Variants in ZNF846 observed in about 807,000 individuals in gnomAD.
The protein encoded by ZNF846 is zinc finger protein 846, also known as zinc finger protein 420 pseudogene.
In ZNF846, 15 loss-of-function variants were observed where a neutral mutation model predicts 16.0. The observed-to-expected ratio is 0.94, with a 90% CI of 0.63 to 1.45. ZNF846 has a LOEUF of 1.45. Among genes scored for constraint, ZNF846 ranks in the 40% most tolerant of loss-of-function variants. ZNF846 has a pLI of 0.00. For synonymous variants in ZNF846, 229 were observed against 212.0 expected (o/e 1.08, Z -0.70); for missense variants, 714 against 622.3 (o/e 1.15, Z -1.57).
chr19:9,762,424 G>A, intron 3 of ZNF846: 1 of 335,374 alleles, frequency 3.0e-6, no homozygotes, highest in Non-Finnish European at 5.6e-6. Flanking sequence ...GATCACTTGA[G>A]GTTAGGAGTT....
intron 2 of ZNF846, among the ~76,000 whole-genome samples, chr19:9,763,988 T>C (rs1331295001): frequency 6.6e-6 from 1 of 152,226 alleles, no homozygotes; most frequent in African/African-American, 2.4e-5. Context: ...ACTGCCAGAA[T>C]GAGCCAACAG....
intron 1 of ZNF846, among the ~76,000 whole-genome samples, chr19:9,766,439 A>G (rs2045317514): frequency 6.6e-6 from 1 of 151,262 alleles, no homozygotes. Context: ...AGCCACAGAA[A>G]TATGCCACAA....
At chr19:9,776,504 C>G (rs2045444677) in intron 1 of ZNF846, among the ~76,000 whole-genome samples, 1 of 152,266 alleles carries the variant, frequency 6.6e-6, no homozygotes, top group South Asian at 2.1e-4. Flanking sequence ...GAAGGGCCCC[C>G]TGTCCAGTGG....
intron 2 of ZNF846, among the ~76,000 whole-genome samples, chr19:9,763,922 G>C (rs2045271399): frequency 6.6e-6 from 1 of 152,204 alleles, no homozygotes. Context: ...AAATGCTCCT[G>C]ATTACTGTAA....
chr19:9,756,452 C>A (rs1267192745), downstream of ZNF846: 1 of 147,452 alleles, frequency 6.8e-6, no homozygotes. Flanking sequence ...AATATTAACA[C>A]ATGAGACAGA....
At chr19:9,753,219 A>AATTT (rs57885198), downstream of ZNF846, among the ~76,000 whole-genome samples, 78,510 of 133,914 alleles carry the variant, frequency 0.59, 23,984 homozygotes, top group East Asian at 0.71. Flanking sequence ...GAGGAGACAA[A>AATTT]ATTTATTTAT....
At chr19:9,783,565 A>T (rs967946142) in intron 1 of ZNF846, among the ~76,000 whole-genome samples, 1 of 144,156 alleles carries the variant, frequency 6.9e-6, no homozygotes. Context: ...ATATATATAT[A>T]TTCTTTAAAA....
chr19:9,758,974 G>A lies in ZNF846; in HGVS notation c.313-210C>T, dbSNP rs555237790. Among the ~76,000 whole-genome samples, 214 of 151,774 alleles carry A rather than the reference G, an allele frequency of 1.4e-3. 8 individuals are homozygous for A. Among genetic ancestry groups the A allele is most frequent in the African/African-American group, 5.0e-3 (207 of 41,134 alleles). On this transcript the variant is annotated intron_variant, in intron 5 of 5. Coordinates refer to ENST00000397902, the Ensembl canonical transcript of ZNF846. ...TGCCTATATTCTCTGCATTCACAGA[G>A]CTTCTTAGACAATCTGTCTGATATT...
At chr19:9,757,295 T>C (rs2045146644), downstream of ZNF846, among the ~76,000 whole-genome samples, 1 of 151,820 alleles carries the variant, frequency 6.6e-6, no homozygotes. Flanking sequence ...TTACACTTTA[T>C]AAGATGTGAA....
At position 9,775,034 on chromosome 19, in the gene ZNF846, G is replaced by A; in HGVS notation, c.-85-9999C>T. On this transcript the variant is annotated intron_variant, in intron 1 of 4. Coordinates refer to the ZNF846 transcript ENST00000586814. ...TGCATTCAGACACCCGGCAAAGCAG[G>A]ACTCTGTGGAAATTGACACGTGCCA... is the stretch of plus-strand genomic sequence containing the variant. 3 of 1,362,216 alleles carry A rather than the reference G, an allele frequency of 2.2e-6. No homozygotes were observed. The South Asian group carries it at 4.0e-5, about 18-fold the overall frequency. 84.4% of individuals were successfully genotyped at this position (1,362,216 alleles called of 1,614,324 possible).
intron 3 of ZNF846, among the ~76,000 whole-genome samples, chr19:9,762,693 C>T (rs905330662): frequency 6.6e-6 from 1 of 152,182 alleles, no homozygotes; most frequent in African/African-American, 2.4e-5. Context: ...AATCTTTTGG[C>T]TTCCGTGGGC....
intron 4 of ZNF846, 83 bp downstream of exon 4, chr19:9,761,999 C>T (rs1040828433): frequency 1.6e-5 from 20 of 1,218,410 alleles, no homozygotes; most frequent in South Asian, 2.5e-5. Flanking sequence ...CTGAGAAGTT[C>T]GCAAAGTAAC....
upstream of ZNF846, among the ~76,000 whole-genome samples, chr19:9,773,191 T>C (rs2045403084): frequency 6.6e-6 from 1 of 152,162 alleles, no homozygotes; most frequent in Non-Finnish European, 1.5e-5. Context: ...TTTATTATTA[T>C]TGTTATTATT....
At chr19:9,776,342 C>T (rs2045442658) in intron 1 of ZNF846, among the ~76,000 whole-genome samples, 1 of 145,702 alleles carries the variant, frequency 6.9e-6, no homozygotes, top group African/African-American at 2.6e-5. Flanking sequence ...TCCTAGTCCG[C>T]CTTCATGTTC....
At chr19:9,763,251 G>A (rs747462709) in intron 3 of ZNF846, 31 bp downstream of exon 3, 15 of 1,520,880 alleles carry the variant, frequency 9.9e-6, no homozygotes, top group Non-Finnish European at 1.1e-5. Context: ...ATTTCCTAAA[G>A]GGGTCAGTGA....
chr19:9,778,125 C>G (rs1178333971), intron 1 of ZNF846, among the ~76,000 whole-genome samples: 1 of 151,960 alleles, frequency 6.6e-6, no homozygotes, highest in Non-Finnish European at 1.5e-5. Flanking sequence ...ATCTACTAGA[C>G]AAGGACTTTA....
chr19:9,752,281 C>A, exon 6 of ZNF846: 1 of 165,478 alleles, frequency 6.0e-6, no homozygotes, highest in East Asian at 1.8e-4. Flanking sequence ...CTTGATTATC[C>A]TTGCCTATTG....
downstream of ZNF846, among the ~76,000 whole-genome samples, chr19:9,753,984 G>T (rs1316100855): frequency 6.6e-6 from 1 of 151,406 alleles, no homozygotes; most frequent in Non-Finnish European, 1.5e-5. Context: ...GTATAATGAG[G>T]TCTCCAATTG....
chr19:9,757,561 A>G lies in ZNF846; in HGVS notation c.1516T>C (p.Tyr506His), dbSNP rs1443287293. The change falls in exon 6 of 6, where the codon TAT becomes CAT. Residue 506 changes from tyrosine (Y) to histidine (H), a missense_variant. Physicochemically the swap from Tyr to His is moderately conservative, Grantham distance 83 (BLOSUM62 2). Coordinates refer to ENST00000397902, the Ensembl canonical transcript of ZNF846. ...TTTTTCCCACATTTCTTACATTCAT[A>G]TGGTTTTGCTCCAGTGTGAGTTCGT... The G allele has an allele frequency of 2.5e-6, 4 of 1,613,060 alleles. No individual in the cohort carries two copies. In the African/African-American group the frequency reaches 5.4e-5, roughly 22 times the overall value.
Sources: allele counts gnomAD v4.1 joint callset (sites outside exome capture counted in the v4.1 genomes callset), GRCh38; gene constraint gnomAD v4.1.1; transcripts MANE v1.5; gene names NCBI Gene and HGNC (gene_info 2026-07-23, HGNC 2026-07-21).